Variants in ZFYVE21 observed in about 807,000 individuals in gnomAD.
The protein encoded by ZFYVE21 is zinc finger FYVE domain-containing protein 21.
A neutral mutation model predicts 29.5 loss-of-function variants in ZFYVE21; 21 were observed. The ratio of observed to expected loss-of-function variants is 0.71; its 90% confidence interval spans 0.50 to 1.02. The LOEUF (loss-of-function observed/expected upper bound fraction) is 1.02. Ranked by LOEUF, ZFYVE21 falls within the 50% of genes least tolerant of loss-of-function variation. The pLI is 0.00. For missense variants in ZFYVE21, 326 were observed against 335.4 expected, an observed-to-expected ratio of 0.97 and a Z score of 0.22; for synonymous variants, 151 against 133.8, an observed-to-expected ratio of 1.13 and a Z score of -0.89.
rs2083995936 is a variant in ZFYVE21, at chr14:103,732,749, T to TG, written c.658dup (p.Ala220GlyfsTer11). 6.2e-7 allele frequency: 1 copy of TG among 1,612,488 alleles called. No homozygotes were observed. The highest frequency in any genetic ancestry group is 1.3e-5 in the African/African-American group (1 of 74,796). On this transcript the variant is annotated frameshift_variant, in exon 6 of 7. Coordinates refer to ENST00000311141, the MANE Select transcript of ZFYVE21 (RefSeq NM_024071.4). LOFTEE classifies it high-confidence loss of function. ...AGGAGGCAGGCGGTGGCGTGGCTAG[T>TG]GGCCATGCACAAGGTACCTGAGCCC... is the stretch of plus-strand genomic sequence containing the variant.
At chr14:103,723,188 GCTTTC>G (rs1249648491) in intron 1 of ZFYVE21, among the ~76,000 whole-genome samples, 3 of 152,352 alleles carry the variant, frequency 2.0e-5, no homozygotes, top group African/African-American at 7.2e-5. Flanking sequence ...CCCCCGTGAA[GCTTTC>G]TCTAGCAGAT....
At position 103,720,675 on chromosome 14, in the gene ZFYVE21, C is replaced by T. The variant is rs12435788; in HGVS notation, c.138+4696C>T. On this transcript the variant is annotated intron_variant, in intron 1 of 6. Coordinates refer to ENST00000311141, the MANE Select transcript of ZFYVE21 (RefSeq NM_024071.4). The stretch of plus-strand genomic sequence containing the variant: ...CCAAACCCCACTCTTTGGGGTGGGC[C>T]GGGTGCTGGTTCTGAGGAGCTGCCC... 4.1e-3 allele frequency among the ~76,000 whole-genome samples: 629 copies of T among 152,172 alleles called. 13 individuals are homozygous for T. Among genetic ancestry groups the T allele is most frequent in the Admixed American group, 0.037 (566 of 15,278 alleles).
rs972993343 is a variant in ZFYVE21, at chr14:103,733,354, CAA to C, written c.*337_*338del. On this transcript the variant is annotated 3_prime_UTR_variant, in exon 7 of 7. Transcript: ENST00000311141. ...GGTCTACTAGAAGGTTCTGGCCCATCAATATTCATTTCATTTAATTCTTCCAC... is the reference window on the plus strand; with the variant it reads ...GGTCTACTAGAAGGTTCTGGCCCATCTATTCATTTCATTTAATTCTTCCAC... The C allele has an allele frequency of 1.7e-5, 4 of 234,508 alleles. No individual in the cohort carries two copies. Among genetic ancestry groups the C allele is most frequent in the African/African-American group, 9.2e-5 (4 of 43,540 alleles). The allele number at this position is 234,508 out of a possible 1,614,324, so 14.5% of individuals were successfully genotyped here.
intron 1 of ZFYVE21, among the ~76,000 whole-genome samples, chr14:103,722,510 A>G (rs1378706920): frequency 6.6e-6 from 1 of 151,858 alleles, no homozygotes; most frequent in Non-Finnish European, 1.5e-5. Context: ...GTGCACCACC[A>G]TGCCTGGCTC....
At chr14:103,725,017 C>G (rs749258833) in intron 1 of ZFYVE21, 4 of 152,274 alleles carry the variant, frequency 2.6e-5, no homozygotes, top group African/African-American at 9.6e-5. Context: ...ATCCGGGGAC[C>G]ATTTTCGTGG....
intron 1 of ZFYVE21, among the ~76,000 whole-genome samples, chr14:103,723,574 T>C (rs537659601): frequency 6.6e-6 from 1 of 152,324 alleles, no homozygotes; most frequent in African/African-American, 2.4e-5. Flanking sequence ...AGTGGCGACA[T>C]GGAACTCGGC....
rs113959273 is a variant in ZFYVE21 at position 103,721,992 on chromosome 14, T to C, written c.139-4800T>C. 5.9e-3 allele frequency among the ~76,000 whole-genome samples: 898 copies of C among 152,300 alleles called. 13 individuals carry two copies. Among genetic ancestry groups the C allele is most frequent in the African/African-American group, 0.021 (865 of 41,550 alleles). ...ACTTGGTTTCTGGGCTTTGGTGTAT[T>C]CTCCCTAGCTCCTAAAATAGCTGTT... On this transcript the variant is annotated intron_variant, in intron 1 of 6. Coordinates refer to ENST00000311141, the MANE Select transcript of ZFYVE21 (RefSeq NM_024071.4).
chr14:103,729,780 C>G, intron 5 of ZFYVE21: 1 of 1,536,526 alleles, frequency 6.5e-7, no homozygotes, highest in Non-Finnish European at 8.7e-7. Flanking sequence ...GCCTGCCCAC[C>G]TTCTTGCCAT....
chr14:103,717,321 G>T (rs1361812889), intron 1 of ZFYVE21, among the ~76,000 whole-genome samples: 3 of 152,188 alleles, frequency 2.0e-5, no homozygotes, highest in African/African-American at 7.2e-5. Context: ...CGTGAAAATT[G>T]TATTTATGGT....
chr14:103,722,258 G>A (rs1023630326), intron 1 of ZFYVE21, among the ~76,000 whole-genome samples: 1 of 151,750 alleles, frequency 6.6e-6, no homozygotes, highest in Non-Finnish European at 1.5e-5. Context: ...TTATTTAAAA[G>A]CCTATACATC....
chr14:103,729,246 G>C (rs1036388836), intron 5 of ZFYVE21, 64 bp downstream of exon 5: 1 of 1,558,434 alleles, frequency 6.4e-7, no homozygotes, highest in South Asian at 1.1e-5. Context: ...GTGACAAGAG[G>C]AGCATGCACT....
chr14:103,715,813 G>C lies in ZFYVE21; in HGVS notation c.-29G>C. On this transcript the variant is annotated 5_prime_UTR_variant, in exon 1 of 7. Coordinates refer to ENST00000311141, the MANE Select transcript of ZFYVE21 (RefSeq NM_024071.4). The stretch of plus-strand genomic sequence containing the variant: ...GGCTGGGCGAGGGGCCGGGTGCGGG[G>C]CCGCTGGCCGAGAGGCTGAGGCGGC... 7.5e-7 allele frequency: 1 copy of C among 1,333,602 alleles called. No homozygotes were observed. Among genetic ancestry groups the C allele is most frequent in the Non-Finnish European group, 9.7e-7 (1 of 1,034,820 alleles). The allele number at this position is 1,333,602 out of a possible 1,614,324, so 82.6% of individuals were successfully genotyped here.
At chr14:103,726,703 G>A in intron 1 of ZFYVE21, 89 bp from the exon 2 acceptor site, 1 of 1,537,416 alleles carries the variant, frequency 6.5e-7, no homozygotes, top group East Asian at 2.3e-5. Context: ...AGGTGGCAGG[G>A]CCCAGCTTTC....
rs2083798983 is a variant in ZFYVE21 at position 103,715,895 on chromosome 14, G to C, written c.54G>C (p.Pro18=). Residue 18 remains proline (P), a synonymous_variant, in exon 1 of 7, where the codon CCG becomes CCC. Transcript: ENST00000311141. The part of the protein sequence containing the change: ...RRDAKKLVRS[P]SGLRMVPEHR... ...ACGCCAAGAAGCTGGTGCGCTCCCC[G>C]AGCGGCCTGCGCATGGTGCCCGAAC... is the stretch of plus-strand genomic sequence containing the variant. 2.1e-6 allele frequency: 3 copies of C among 1,439,374 alleles called. 1 individual carries two copies. The highest frequency in any genetic ancestry group is 2.6e-5 in the South Asian group (2 of 76,272). 89.2% of individuals were successfully genotyped at this position (1,439,374 alleles called of 1,614,324 possible).
intron 3 of ZFYVE21, among the ~76,000 whole-genome samples, chr14:103,728,389 C>T (rs1032343488): frequency 1.3e-5 from 2 of 152,118 alleles, no homozygotes; most frequent in African/African-American, 4.8e-5. Flanking sequence ...AGCGCCTTCT[C>T]CCCACTGTCC....
chr14:103,728,435 C>T (rs559824721), intron 3 of ZFYVE21, among the ~76,000 whole-genome samples: 2 of 152,284 alleles, frequency 1.3e-5, no homozygotes, highest in Admixed American at 6.5e-5. Context: ...AGCCTCCTGT[C>T]CCCTGCCTGC....
chr14:103,730,583 C>T (rs2151953190), intron 5 of ZFYVE21: 1 of 152,702 alleles, frequency 6.5e-6, no homozygotes, highest in South Asian at 2.1e-4. Flanking sequence ...GCACTGTGTC[C>T]CCCTTGTGGT....
chr14:103,723,205 C>T (rs181363138), intron 1 of ZFYVE21, among the ~76,000 whole-genome samples: 1 of 152,218 alleles, frequency 6.6e-6, no homozygotes, highest in Admixed American at 6.5e-5. Flanking sequence ...CTAGCAGATT[C>T]TAGTGGATTC....
At position 103,715,827 on chromosome 14, in the gene ZFYVE21, G is replaced by A. The variant is rs955549473; in HGVS notation, c.-15G>A. 3.6e-6 allele frequency: 5 copies of A among 1,384,522 alleles called. No individual in the cohort carries two copies. The highest frequency in any genetic ancestry group is 3.0e-5 in the African/African-American group (2 of 66,194). 85.8% of individuals were successfully genotyped at this position (1,384,522 alleles called of 1,614,324 possible). On this transcript the variant is annotated 5_prime_UTR_variant, in exon 1 of 7. Coordinates refer to ENST00000311141, the MANE Select transcript of ZFYVE21 (RefSeq NM_024071.4). ...CCGGGTGCGGGGCCGCTGGCCGAGAGGCTGAGGCGGCGTCATGTCCTCCGA... is the reference window on the plus strand; with the variant it reads ...CCGGGTGCGGGGCCGCTGGCCGAGAAGCTGAGGCGGCGTCATGTCCTCCGA...
Sources: gnomAD v4.1 joint callset for allele counts (sites outside exome capture counted in the v4.1 genomes callset) on GRCh38, gnomAD v4.1.1 for gene constraint, MANE v1.5 for transcripts, NCBI Gene and HGNC (gene_info 2026-07-23, HGNC 2026-07-21) for gene names.